The following CEP78 variants were observed in gnomAD, a reference collection of about 807,000 sequenced individuals.
CEP78 encodes centrosomal protein of 78 kDa.
Under a neutral mutation model 81.2 loss-of-function variants are expected in CEP78, and 76 were observed. That is an observed-to-expected ratio of 0.94 (90% CI 0.78 to 1.13). The LOEUF (loss-of-function observed/expected upper bound fraction) is 1.13, where lower values mean the gene tolerates loss of function less well. Among genes scored for constraint, CEP78 ranks in the 50% most tolerant of loss-of-function variants. The probability of loss-of-function intolerance (pLI) is 0.00; values close to 1 mark genes in which losing one functional copy is unlikely to be tolerated. For synonymous variants in CEP78, 293 were observed against 301.4 expected (o/e 0.97, Z 0.29); for missense variants, 918 against 846.8 (o/e 1.08, Z -1.04).
At chr9:78,268,564 C>T (rs1396797505) in intron 16 of CEP78, among the ~76,000 whole-genome samples, 2 of 152,024 alleles carry the variant, frequency 1.3e-5, no homozygotes, top group Non-Finnish European at 2.9e-5. Flanking sequence ...TTCTGAAGAG[C>T]ATTTGTCTTT....
At chr9:78,237,232 C>T (rs575579509) in intron 1 of CEP78, among the ~76,000 whole-genome samples, 16 of 152,012 alleles carry the variant, frequency 1.1e-4, no homozygotes, top group African/African-American at 3.6e-4. Flanking sequence ...CCGCCCGCTT[C>T]GGCCTTCCAA....
intron 4 of CEP78, among the ~76,000 whole-genome samples, chr9:78,242,453 T>A (rs1410984997): frequency 6.6e-6 from 1 of 152,214 alleles, no homozygotes; most frequent in Non-Finnish European, 1.5e-5. Flanking sequence ...ATTTAATAAC[T>A]TGTGACCATG....
intron 16 of CEP78, among the ~76,000 whole-genome samples, chr9:78,268,065 C>T (rs12115815): frequency 0.017 from 2,545 of 151,894 alleles, 61 homozygotes; most frequent in African/African-American, 0.058. Flanking sequence ...TGTCGTAATA[C>T]CGTATATTAC....
At chr9:78,237,691 C>T (rs1190407738) in intron 1 of CEP78, among the ~76,000 whole-genome samples, 5 of 152,042 alleles carry the variant, frequency 3.3e-5, no homozygotes, top group Admixed American at 3.3e-4. Flanking sequence ...TTTGGGAAAC[C>T]GCTGTAGGAT....
Position 78,236,404 on chromosome 9 carries a change from C to T in CEP78, c.54C>T (p.His18=). Residue 18 remains histidine, a synonymous_variant, in exon 1 of 17, where the codon CAC becomes CAT. Transcript: ENST00000643273. ...ACAGCGCGGCGGACTTCTTCTCCCA[C>T]TACGAGTACCTGTGCGCGCTGCAGA... The part of the protein sequence containing the change: ...RRDSAADFFS[H]YEYLCALQNS... 4 of 1,597,138 alleles carry T rather than the reference C, an allele frequency of 2.5e-6. No individual in the cohort carries two copies. Among genetic ancestry groups the T allele is most frequent in the South Asian group, 2.3e-5 (2 of 88,606 alleles).
At chr9:78,247,553 G>A (rs1306975479) in intron 6 of CEP78, among the ~76,000 whole-genome samples, 3 of 152,200 alleles carry the variant, frequency 2.0e-5, no homozygotes, top group Non-Finnish European at 4.4e-5. Flanking sequence ...AGGTTTGAAG[G>A]TCACGGTAAG....
chr9:78,242,833 C>T (rs563686770), intron 4 of CEP78, among the ~76,000 whole-genome samples: 1 of 152,162 alleles, frequency 6.6e-6, no homozygotes, highest in Admixed American at 6.5e-5. Context: ...CACCAATTTC[C>T]GAAGGCATAT....
At chr9:78,247,132 C>T (rs1826528423) in intron 6 of CEP78, among the ~76,000 whole-genome samples, 1 of 152,204 alleles carries the variant, frequency 6.6e-6, no homozygotes, top group Admixed American at 6.5e-5. Context: ...CTGGTTTAAG[C>T]ACTAAACATA....
chr9:78,258,443 T>C (rs898809229), intron 11 of CEP78, among the ~76,000 whole-genome samples: 7 of 152,170 alleles, frequency 4.6e-5, no homozygotes, highest in African/African-American at 1.7e-4. Context: ...AAGCAGGGCA[T>C]TGAGAGAATT....
Position 78,279,042 on chromosome 9 carries a change from G to T in CEP78, c.*8191G>T, listed in dbSNP as rs1827856667. On this transcript the variant is annotated 3_prime_UTR_variant, in exon 17 of 17. Coordinates refer to ENST00000643273, the MANE Select transcript of CEP78 (RefSeq NM_001330691.3). ...TGCCCGAGTTCTCTTAGTACAGTTT[G>T]TACATTTTAAACCACTGTGAACTGA... is the stretch of plus-strand genomic sequence containing the variant. The T allele has an allele frequency of 7.6e-6, 1 of 131,740 alleles. No individual in the cohort carries two copies. Among genetic ancestry groups the T allele is most frequent in the South Asian group, 2.3e-4 (1 of 4,274 alleles). 8.2% of individuals were successfully genotyped at this position (131,740 alleles called of 1,614,324 possible).
chr9:78,263,798 T>G (rs1220816157), intron 12 of CEP78, among the ~76,000 whole-genome samples: 1 of 152,176 alleles, frequency 6.6e-6, no homozygotes, highest in Non-Finnish European at 1.5e-5. Flanking sequence ...AAATTAGTCC[T>G]TAACAGCCAA....
intron 11 of CEP78, among the ~76,000 whole-genome samples, chr9:78,261,097 C>T (rs570488976): frequency 5.8e-4 from 88 of 152,000 alleles, no homozygotes; most frequent in African/African-American, 1.9e-3. Flanking sequence ...ATTACAGGTG[C>T]GCACCACCAC....
chr9:78,240,238 T>C (rs1826161175), intron 2 of CEP78, 43 bp downstream of exon 2: 3 of 1,612,640 alleles, frequency 1.9e-6, no homozygotes, highest in Non-Finnish European at 2.5e-6. Flanking sequence ...TGATAGTTGC[T>C]TTTAGAGGAA....
At chr9:78,247,285 T>C (rs2118228677) in intron 6 of CEP78, among the ~76,000 whole-genome samples, 1 of 152,232 alleles carries the variant, frequency 6.6e-6, no homozygotes, top group South Asian at 2.1e-4. Context: ...GGGACTATAT[T>C]AGATAGGTTT....
intron 12 of CEP78, among the ~76,000 whole-genome samples, chr9:78,263,311 T>C (rs1300742133): frequency 1.3e-5 from 2 of 152,030 alleles, no homozygotes; most frequent in African/African-American, 4.8e-5. Flanking sequence ...GCGTAAAAGA[T>C]GGGGATGAGA....
intron 11 of CEP78, among the ~76,000 whole-genome samples, chr9:78,261,731 G>T (rs1827285445): frequency 1.3e-5 from 2 of 152,082 alleles, no homozygotes; most frequent in African/African-American, 4.8e-5. Context: ...TTCCATGTTT[G>T]GTTAGAAGTT....
At position 78,278,871 on chromosome 9, in the gene CEP78, C is replaced by T. The variant is rs1234678219; in HGVS notation, c.*8020C>T. The T allele has an allele frequency of 6.6e-6, 1 of 152,066 alleles. No individual in the cohort carries two copies. Among genetic ancestry groups the T allele is most frequent in the African/African-American group, 2.4e-5 (1 of 41,380 alleles). 9.4% of individuals were successfully genotyped at this position (152,066 alleles called of 1,614,324 possible). On this transcript the variant is annotated 3_prime_UTR_variant, in exon 17 of 17. Coordinates refer to ENST00000643273, the MANE Select transcript of CEP78 (RefSeq NM_001330691.3). ...GAAAACCTGAGTTTTCAAACTGATA[C>T]ATCTACCTGAGAATTTTCACATATA... is the stretch of plus-strand genomic sequence containing the variant.
At chr9:78,240,559 G>T (rs1826179160) in intron 3 of CEP78, among the ~76,000 whole-genome samples, 195 bp downstream of exon 3, 1 of 152,198 alleles carries the variant, frequency 6.6e-6, no homozygotes, top group Non-Finnish European at 1.5e-5. Flanking sequence ...TTAAGTTTGT[G>T]TTAAACCACA....
chr9:78,265,875 A>T lies in CEP78; in HGVS notation c.1814A>T (p.Gln605Leu). Reference sequence around the variant, plus strand: ...TCCATCTAGGTTTCTATTTGTATGCAGTCAGCTTACAATGAAGGAACACTA... The same window carrying T: ...TCCATCTAGGTTTCTATTTGTATGCTGTCAGCTTACAATGAAGGAACACTA... ...MQNIQVSICM[Q>L]SAYNEGTLMK... Residue 605 changes from glutamine to leucine, a missense_variant, in exon 15 of 17, where the codon CAG becomes CTG. Transcript: ENST00000643273. The T allele has an allele frequency of 7.1e-7, 1 of 1,402,176 alleles. No individual in the cohort carries two copies. Among genetic ancestry groups the T allele is most frequent in the Non-Finnish European group, 9.9e-7 (1 of 1,010,434 alleles). The allele number at this position is 1,402,176 out of a possible 1,614,324, so 86.9% of individuals were successfully genotyped here.
Sources: gnomAD v4.1 joint callset for allele counts (sites outside exome capture counted in the v4.1 genomes callset) on GRCh38, gnomAD v4.1.1 for gene constraint, MANE v1.5 for transcripts, NCBI Gene and HGNC (gene_info 2026-07-23, HGNC 2026-07-21) for gene names.